Variants in EHD1 observed in about 807,000 individuals in gnomAD.
The protein encoded by EHD1 is EH domain-containing protein 1.
In EHD1, 19 loss-of-function variants were observed where a neutral mutation model predicts 39.0. That is an observed-to-expected ratio of 0.49 (90% CI 0.34 to 0.72). The LOEUF is 0.72. EHD1 is among the 30% of genes least tolerant of loss of function. The pLI is 0.01. For synonymous variants in EHD1, 323 were observed against 331.2 expected, an observed-to-expected ratio of 0.98 and a Z score of 0.27; for missense variants, 542 against 751.5, an observed-to-expected ratio of 0.72 and a Z score of 3.26.
chr11:64,866,484 C>CCAG (rs1236553427), intron 2 of EHD1, among the ~76,000 whole-genome samples: 1 of 151,972 alleles, frequency 6.6e-6, no homozygotes, highest in African/African-American at 2.4e-5. Context: ...CTGCTTGAGT[C>CCAG]CAGCCTGGGT....
upstream of EHD1, chr11:64,878,632 C>T (rs1012202107): frequency 7.8e-6 from 11 of 1,408,062 alleles, no homozygotes; most frequent in South Asian, 1.1e-4. Context: ...GCTGCGCACC[C>T]CTCGCGGAGC....
chr11:64,875,153 A>G (rs1394990558), intron 1 of EHD1, among the ~76,000 whole-genome samples: 1 of 152,202 alleles, frequency 6.6e-6, no homozygotes, highest in African/African-American at 2.4e-5. Context: ...TCAGCCACGC[A>G]TATCTGAGTT....
chr11:64,858,597 C>T (rs374513710), intron 3 of EHD1, among the ~76,000 whole-genome samples: 2 of 152,262 alleles, frequency 1.3e-5, no homozygotes, highest in African/African-American at 4.8e-5. Flanking sequence ...TTCAGACAAT[C>T]TGTGTCAAAC....
chr11:64,860,718 G>GA (rs138106545), intron 2 of EHD1, among the ~76,000 whole-genome samples: 6,944 of 110,154 alleles, frequency 0.063, 459 homozygotes, highest in African/African-American at 0.18. Context: ...AAACTGTCGC[G>GA]AAAAAAAAAA....
chr11:64,876,123 T>C (rs1943883077), intron 1 of EHD1, among the ~76,000 whole-genome samples: 1 of 152,342 alleles, frequency 6.6e-6, no homozygotes, highest in African/African-American at 2.4e-5. Flanking sequence ...GTCCCAGTTA[T>C]GCAATAAGTT....
At chr11:64,878,022 C>G in intron 1 of EHD1, 39 bp downstream of exon 1, 1 of 1,481,588 alleles carries the variant, frequency 6.7e-7, no homozygotes, top group Non-Finnish European at 8.9e-7. Flanking sequence ...GGGTGTGCCC[C>G]GGACGCGCCC....
At position 64,854,588 on chromosome 11, in the gene EHD1, C is replaced by T; in HGVS notation, c.1350G>A (p.Glu450=). The change falls in exon 5 of 5, where the codon GAG becomes GAA. Residue 450 remains glutamate (E), a synonymous_variant. Transcript: ENST00000320631. ...TGACAGGGGACAGCGTGTAGAAGAT[C>T]TCGTCGTAGGTGGGCTTGTCCTTGC... The part of the protein sequence containing the change: ...VVGKDKPTYD[E]IFYTLSPVNG... 6.2e-7 allele frequency: 1 copy of T among 1,614,098 alleles called. No individual in the cohort carries two copies.
At chr11:64,857,407 G>C (rs188002134) in intron 3 of EHD1, among the ~76,000 whole-genome samples, 46 of 152,244 alleles carry the variant, frequency 3.0e-4, no homozygotes, top group African/African-American at 1.1e-3. Flanking sequence ...CTAGGTAACA[G>C]AGTGAAACTC....
At position 64,854,510 on chromosome 11, in the gene EHD1, G is replaced by T. The variant is rs1349134894; in HGVS notation, c.1428C>A (p.Leu476=). The change falls in exon 5 of 5, where the codon CTC becomes CTA. Residue 476 remains leucine, a synonymous_variant. Coordinates refer to ENST00000320631, the MANE Select transcript of EHD1 (RefSeq NM_006795.4). The part of the protein sequence containing the change: ...NAKKEMVKSK[L]PNTVLGKIWK... ...AGATCTTCCCTAGCACGGTGTTGGGGAGCTTGGACTTCACCATCTCCTTCT... is the reference window on the plus strand; with the variant it reads ...AGATCTTCCCTAGCACGGTGTTGGGTAGCTTGGACTTCACCATCTCCTTCT... 1 of 1,614,166 alleles carries T rather than the reference G, an allele frequency of 6.2e-7. No homozygotes were observed. Among genetic ancestry groups the T allele is most frequent in the Non-Finnish European group, 8.5e-7 (1 of 1,180,002 alleles).
In EHD1 at chr11:64,868,500, G is replaced by A. The variant is rs563871681; in HGVS notation, c.502+5921C>T. 2.2e-4 allele frequency among the ~76,000 whole-genome samples: 34 copies of A among 152,354 alleles called. No individual in the cohort carries two copies. The highest frequency in any genetic ancestry group is 7.2e-4 in the African/African-American group (30 of 41,582). ...TGGGACAAGGACCCCCAACAAAGAG[G>A]AGCGGGCCACAGGGGCTCTCAAACA... is the stretch of plus-strand genomic sequence containing the variant. On this transcript the variant is annotated intron_variant, in intron 2 of 4. Coordinates refer to ENST00000320631, the MANE Select transcript of EHD1 (RefSeq NM_006795.4). The surrounding 1 kb of genome is among the most constrained non-coding windows in gnomAD (Gnocchi z 4.2).
intron 4 of EHD1, chr11:64,855,069 T>A: frequency 2.4e-6 from 2 of 830,586 alleles, no homozygotes; most frequent in Non-Finnish European, 3.7e-6. Flanking sequence ...CAAGGATTCA[T>A]GGACAGGGCA....
At chr11:64,856,895 G>A (rs769672101) in intron 3 of EHD1, among the ~76,000 whole-genome samples, 4 of 152,318 alleles carry the variant, frequency 2.6e-5, no homozygotes, top group Non-Finnish European at 5.9e-5. Context: ...TCTCACAGAC[G>A]ACCAGGCAGG....
intron 2 of EHD1, among the ~76,000 whole-genome samples, chr11:64,861,168 A>G (rs2136482888): frequency 6.6e-6 from 1 of 151,328 alleles, no homozygotes; most frequent in African/African-American, 2.4e-5. Flanking sequence ...CCTGCGTGAC[A>G]CAGCGAGACT....
intron 3 of EHD1, 22 bp downstream of exon 3, chr11:64,859,902 C>G (rs1360964275): frequency 1.9e-6 from 3 of 1,594,224 alleles, no homozygotes; most frequent in Non-Finnish European, 1.7e-6. Context: ...CAATAGGCTG[C>G]TCCCCTCACC....
upstream of EHD1, chr11:64,878,802 G>A (rs1943921741): frequency 8.3e-7 from 1 of 1,200,146 alleles, no homozygotes; most frequent in Non-Finnish European, 1.0e-6. Flanking sequence ...CAAATCTCGC[G>A]AGGCTGTGGT....
At chr11:64,855,647 C>G (rs925907269) in intron 3 of EHD1, 161 bp from the exon 4 acceptor site, 2 of 998,816 alleles carry the variant, frequency 2.0e-6, no homozygotes, top group Non-Finnish European at 2.9e-6. Flanking sequence ...CCGGCTCCCA[C>G]AGTCCTAGGA....
At chr11:64,875,656 G>A (rs756533521) in intron 1 of EHD1, 6 of 152,282 alleles carry the variant, frequency 3.9e-5, no homozygotes, top group Admixed American at 6.5e-5. Context: ...TCCAACAGAC[G>A]GGAGGACTCT....
intron 2 of EHD1, among the ~76,000 whole-genome samples, chr11:64,874,056 A>G (rs1243324679): frequency 6.6e-6 from 1 of 150,860 alleles, no homozygotes; most frequent in Non-Finnish European, 1.5e-5. Context: ...CTGTAATCCC[A>G]GCACTTTGGG....
intron 1 of EHD1, among the ~76,000 whole-genome samples, 154 bp from the exon 2 acceptor site, chr11:64,874,672 C>T (rs756508567): frequency 2.6e-5 from 4 of 152,184 alleles, no homozygotes; most frequent in Non-Finnish European, 4.4e-5. Flanking sequence ...CTTAGTTTCC[C>T]GGGGTGGCCG....
Sources: gnomAD v4.1 joint callset for allele counts (sites outside exome capture counted in the v4.1 genomes callset) on GRCh38, gnomAD v4.1.1 for gene constraint, Gnocchi (gnomAD v3.1) non-coding constraint, MANE v1.5 for transcripts, NCBI Gene and HGNC (gene_info 2026-07-23, HGNC 2026-07-21) for gene names.